PBX3: variants seen among roughly 807,000 people sequenced by gnomAD.
PBX3 encodes PBX homeobox 3, also known as pre-B-cell leukemia transcription factor 3.
A neutral mutation model predicts 48.5 loss-of-function variants in PBX3; 14 were observed. The observed-to-expected ratio is 0.29, with a 90% CI of 0.19 to 0.45. The LOEUF is 0.45. Among genes scored for constraint, PBX3 ranks in the 20% least tolerant of loss-of-function variants. The pLI, the probability that PBX3 is intolerant of heterozygous loss-of-function variation, is 1.00. For synonymous variants in PBX3, 210 were observed against 200.3 expected (o/e 1.05, Z -0.41); for missense variants, 386 against 546.7 (o/e 0.71, Z 2.93).
chr9:125,770,008 A>G (rs1449132895), intron 2 of PBX3, among the ~76,000 whole-genome samples: 1 of 152,218 alleles, frequency 6.6e-6, no homozygotes, highest in Non-Finnish European at 1.5e-5. Flanking sequence ...ATTTTGCAGT[A>G]TTGAAAAACG....
intron 2 of PBX3, among the ~76,000 whole-genome samples, chr9:125,912,335 C>T (rs1202488112): frequency 4.6e-5 from 7 of 152,080 alleles, no homozygotes; most frequent in Admixed American, 4.6e-4. Flanking sequence ...ACATCTGCAG[C>T]TTAGAATTGT....
intron 2 of PBX3, among the ~76,000 whole-genome samples, chr9:125,875,617 T>C (rs1328365366): frequency 6.6e-6 from 1 of 152,064 alleles, no homozygotes; most frequent in Non-Finnish European, 1.5e-5. Context: ...CCAACTAGAA[T>C]TCTTGGTTCT....
intron 2 of PBX3, among the ~76,000 whole-genome samples, chr9:125,846,745 A>T (rs919570012): frequency 6.6e-6 from 1 of 152,042 alleles, no homozygotes; most frequent in South Asian, 2.1e-4. Context: ...AAAAACCATA[A>T]AATTTCACTG....
chr9:125,793,534 A>G (rs569921680), intron 2 of PBX3, among the ~76,000 whole-genome samples: 4 of 151,480 alleles, frequency 2.6e-5, no homozygotes, highest in Admixed American at 1.3e-4. Flanking sequence ...GGTTCAAGCA[A>G]TTCTCCTGCA....
At chr9:125,932,785 A>G (rs949245474) in intron 4 of PBX3, among the ~76,000 whole-genome samples, 29 of 152,342 alleles carry the variant, frequency 1.9e-4, no homozygotes, top group Admixed American at 3.3e-4. Context: ...TGCATTCATA[A>G]TGTATACACC....
chr9:125,778,605 C>T (rs77611760), intron 2 of PBX3, among the ~76,000 whole-genome samples: 28 of 132,890 alleles, frequency 2.1e-4, no homozygotes, highest in South Asian at 7.3e-4. Context: ...TTGATCTTTT[C>T]TTTTTTTTTT....
chr9:125,765,718 C>A (rs1836786284), intron 2 of PBX3, among the ~76,000 whole-genome samples: 1 of 152,062 alleles, frequency 6.6e-6, no homozygotes, highest in South Asian at 2.1e-4. Flanking sequence ...TACTACCATT[C>A]CCAATTATCA....
intron 5 of PBX3, among the ~76,000 whole-genome samples, chr9:125,936,413 CAGT>C (rs1841837331): frequency 3.3e-5 from 5 of 152,128 alleles, no homozygotes; most frequent in Admixed American, 1.3e-4. Context: ...CATGCAAAAG[CAGT>C]AGTTTACCAA....
At chr9:125,781,572 G>T (rs981075587) in intron 2 of PBX3, among the ~76,000 whole-genome samples, 1 of 146,774 alleles carries the variant, frequency 6.8e-6, no homozygotes, top group East Asian at 2.2e-4. Flanking sequence ...AGGCGAGAGG[G>T]GAGAGGGGAG....
intron 5 of PBX3, among the ~76,000 whole-genome samples, chr9:125,937,799 A>G (rs1841871854): frequency 6.6e-6 from 1 of 152,050 alleles, no homozygotes; most frequent in South Asian, 2.1e-4. Flanking sequence ...AGTAGCTAGG[A>G]CTACAGGCAC....
intron 8 of PBX3, among the ~76,000 whole-genome samples, chr9:125,963,361 T>C (rs1194761004): frequency 6.6e-6 from 1 of 152,162 alleles, no homozygotes; most frequent in East Asian, 1.9e-4. Flanking sequence ...CGCCATTTCC[T>C]ACCATCAGTG....
intron 3 of PBX3, among the ~76,000 whole-genome samples, chr9:125,926,596 C>G (rs1396456013): frequency 6.6e-6 from 1 of 151,980 alleles, no homozygotes; most frequent in Non-Finnish European, 1.5e-5. Context: ...GCAGGTAGAT[C>G]ACTTGAGGTC....
chr9:125,898,304 A>G (rs564326322), intron 2 of PBX3, among the ~76,000 whole-genome samples: 1 of 151,896 alleles, frequency 6.6e-6, no homozygotes, highest in South Asian at 2.1e-4. Flanking sequence ...AACTTTTCCC[A>G]GAAATTTTCA....
chr9:125,940,382 A>G (rs1424598145), intron 5 of PBX3, among the ~76,000 whole-genome samples: 1 of 152,222 alleles, frequency 6.6e-6, no homozygotes, highest in Non-Finnish European at 1.5e-5. Flanking sequence ...AACAGAATTT[A>G]AAAAGACTGT....
intron 2 of PBX3, among the ~76,000 whole-genome samples, chr9:125,851,361 C>T (rs1839571744): frequency 6.6e-6 from 1 of 151,816 alleles, no homozygotes; most frequent in Admixed American, 6.6e-5. Flanking sequence ...AGATTGTGTC[C>T]AAGGTATTAA....
intron 2 of PBX3, among the ~76,000 whole-genome samples, chr9:125,904,213 T>C (rs1225820131): frequency 2.0e-5 from 3 of 151,902 alleles, no homozygotes; most frequent in African/African-American, 7.2e-5. Flanking sequence ...GAAAAACACC[T>C]TATTTTTAAT....
intron 3 of PBX3, among the ~76,000 whole-genome samples, chr9:125,928,754 C>T (rs919607386): frequency 2.6e-5 from 4 of 152,110 alleles, no homozygotes; most frequent in African/African-American, 7.2e-5. Flanking sequence ...CGTGAGCCAC[C>T]GCGCCCGGCC....
At chr9:125,817,432 C>T (rs1233480663) in intron 2 of PBX3, among the ~76,000 whole-genome samples, 2 of 152,054 alleles carry the variant, frequency 1.3e-5, no homozygotes, top group Non-Finnish European at 2.9e-5. Flanking sequence ...TATTTTTTTG[C>T]TTATAGATTA....
At chr9:125,829,909 C>T (rs1031434529) in intron 2 of PBX3, among the ~76,000 whole-genome samples, 8 of 152,142 alleles carry the variant, frequency 5.3e-5, no homozygotes, top group African/African-American at 1.7e-4. Flanking sequence ...GCTTTCTATA[C>T]GTATCTGCAT....
Sources: allele counts gnomAD v4.1 joint callset (sites outside exome capture counted in the v4.1 genomes callset), GRCh38; gene constraint gnomAD v4.1.1; transcripts MANE v1.5; gene names NCBI Gene and HGNC (gene_info 2026-07-23, HGNC 2026-07-21).